Variants in TRPM2 observed in about 807,000 individuals in gnomAD.
The protein encoded by TRPM2 is estrogen-responsive element-associated gene 1 protein.
Under a neutral mutation model 174.0 loss-of-function variants are expected in TRPM2, and 161 were observed. The ratio of observed to expected loss-of-function variants is 0.93; its 90% CI spans 0.81 to 1.05. TRPM2 has a LOEUF of 1.05. Ranked by LOEUF, TRPM2 falls within the 50% of genes least tolerant of loss-of-function variation. The probability of loss-of-function intolerance (pLI) is 0.00; values close to 1 mark genes in which losing one functional copy is unlikely to be tolerated. For missense variants in TRPM2, 2,057 were observed against 2,038.0 expected, an observed-to-expected ratio of 1.01 and a Z score of -0.18; for synonymous variants, 954 against 861.3, an observed-to-expected ratio of 1.11 and a Z score of -1.88.
intron 20 of TRPM2, chr21:44,414,448 T>G: frequency 2.6e-5 from 6 of 227,884 alleles, no homozygotes; most frequent in Non-Finnish European, 4.5e-5. Context: ...ATGGGCTCAC[T>G]GCTCTACCCG....
chr21:44,426,962 C>G (rs2050812691), intron 26 of TRPM2, 48 bp from the exon 27 acceptor site: 2 of 1,532,344 alleles, frequency 1.3e-6, no homozygotes, highest in African/African-American at 1.4e-5. Context: ...TCTGCTCTGT[C>G]CCACCTGCAA....
rs536022091 is a variant in TRPM2, at chr21:44,399,512, C to T, written c.2208+71C>T. 1,771 of 1,538,222 alleles carry T rather than the reference C, an allele frequency of 1.2e-3. 30 individuals are homozygous for T. The South Asian group carries it at 0.016, about 14-fold the overall frequency. On this transcript the variant is annotated intron_variant, in intron 14 of 31. Coordinates refer to ENST00000397928, the MANE Select transcript of TRPM2 (RefSeq NM_003307.4). The surrounding 1 kb of genome is among the most constrained non-coding windows in gnomAD (Gnocchi z 4.6). ...TGCAGGGCGGACACAGCCTCCTGTTCGTGCAGTTGGCACGCACACTCACAC... is the reference window on the plus strand; with the variant it reads ...TGCAGGGCGGACACAGCCTCCTGTTTGTGCAGTTGGCACGCACACTCACAC...
Position 44,369,161 on chromosome 21 carries a change from C to T in TRPM2, c.605-16C>T. 1 of 1,589,020 alleles carries T rather than the reference C, an allele frequency of 6.3e-7. No homozygotes were observed. The highest frequency in any genetic ancestry group is 8.6e-7 in the Non-Finnish European group (1 of 1,167,052). ...CTCAGTGCTGTGGGGCCTGCCCACC[C>T]GTGCTCCTTCCCCAGGGGCCTGGAT... On this transcript the variant is annotated splice_polypyrimidine_tract_variant and intron_variant, in intron 4 of 31. Coordinates refer to ENST00000397928, the MANE Select transcript of TRPM2 (RefSeq NM_003307.4).
At chr21:44,425,612 C>T (rs1175857782) in intron 24 of TRPM2, 58 bp from the exon 25 acceptor site, 17 of 1,430,616 alleles carry the variant, frequency 1.2e-5, no homozygotes, top group East Asian at 2.6e-5. Context: ...CCTTGTCCTG[C>T]GGGCGGGCAC....
chr21:44,418,351 C>T (rs568121426), intron 21 of TRPM2, 72 bp from the exon 22 acceptor site: 108 of 1,576,610 alleles, frequency 6.9e-5, no homozygotes, highest in East Asian at 2.0e-4. Flanking sequence ...GGGGCCCCCC[C>T]GGTGGGTCAG....
At chr21:44,393,668 T>A (rs2049250457) in intron 11 of TRPM2, among the ~76,000 whole-genome samples, 1 of 152,180 alleles carries the variant, frequency 6.6e-6, no homozygotes, top group African/African-American at 2.4e-5. Context: ...CAGTGCCTTT[T>A]TTTTTTAATT....
intron 2 of TRPM2, among the ~76,000 whole-genome samples, chr21:44,357,621 G>T (rs2048097233): frequency 6.6e-6 from 1 of 152,238 alleles, no homozygotes; most frequent in Non-Finnish European, 1.5e-5. Context: ...CCCAGGGCGT[G>T]CATCCTGCGC....
intron 22 of TRPM2, among the ~76,000 whole-genome samples, chr21:44,421,631 C>G (rs1174142648): frequency 6.6e-6 from 1 of 151,930 alleles, no homozygotes; most frequent in Non-Finnish European, 1.5e-5. Context: ...TAACAATTAG[C>G]CAGGCACGGT....
In TRPM2 at chr21:44,376,436, G is replaced by A. The variant is rs1480864095; in HGVS notation, c.952+423G>A. ...TTTTTTTTGGGACAGGGTCTGGAGC[G>A]CAGTGGTGTGATCTCAGCTCACTGT... is the stretch of plus-strand genomic sequence containing the variant. On this transcript the variant is annotated intron_variant, in intron 6 of 31. Transcript: ENST00000397928. The surrounding 1 kb of genome is among the most constrained non-coding windows in gnomAD (Gnocchi z 4.2). Among the ~76,000 whole-genome samples, 3 of 152,094 alleles carry A rather than the reference G, an allele frequency of 2.0e-5. No homozygotes were observed. Among genetic ancestry groups the A allele is most frequent in the Admixed American group, 2.0e-4 (3 of 15,274 alleles).
At chr21:44,414,365 G>T (rs2050208858) in intron 20 of TRPM2, among the ~76,000 whole-genome samples, 1 of 152,242 alleles carries the variant, frequency 6.6e-6, no homozygotes, top group South Asian at 2.1e-4. Context: ...TGCTGCTGCG[G>T]AGGCAGCCTC....
rs367919720 is a variant in TRPM2, at chr21:44,435,022, G to T, written c.3975-109G>T. ...TCTAAAGAAGCCTGCATGCTGTCCC[G>T]CTGTGCGCCGGCTCCTGACGCCCGC... On this transcript the variant is annotated intron_variant, in intron 27 of 31. Transcript: ENST00000397928. 4 of 1,057,268 alleles carry T rather than the reference G, an allele frequency of 3.8e-6. No individual in the cohort carries two copies. The Admixed American group carries it at 7.6e-5, about 20-fold the overall frequency. The allele number at this position is 1,057,268 out of a possible 1,614,324, so 65.5% of individuals were successfully genotyped here.
chr21:44,407,460 T>G (rs1053256597), intron 19 of TRPM2, among the ~76,000 whole-genome samples: 1 of 147,086 alleles, frequency 6.8e-6, no homozygotes, highest in Non-Finnish European at 1.5e-5. Context: ...GTTTTTTTTT[T>G]TTTTTTTTTT....
chr21:44,390,312 C>T (rs545598845), intron 9 of TRPM2, among the ~76,000 whole-genome samples: 115 of 152,248 alleles, frequency 7.6e-4, no homozygotes, highest in African/African-American at 1.7e-3. Context: ...GCCTAAGAAC[C>T]GCTCCATGTT....
At chr21:44,400,192 C>T (rs2146276372) in intron 14 of TRPM2, 67 bp from the exon 15 acceptor site, 7 of 1,395,916 alleles carry the variant, frequency 5.0e-6, no homozygotes, top group Non-Finnish European at 7.0e-6. Context: ...CCTCAGCAGA[C>T]AGCTGACGGG....
At chr21:44,419,870 CGGTGAT>C (rs2050483626) in intron 22 of TRPM2, among the ~76,000 whole-genome samples, 1 of 134,906 alleles carries the variant, frequency 7.4e-6, no homozygotes, top group Non-Finnish European at 1.6e-5. Flanking sequence ...ATGGTGGTAG[CGGTGAT>C]GGTGGTGGTG....
Position 44,439,204 on chromosome 21 carries a change from G to C in TRPM2, c.4269+36G>C, listed in dbSNP as rs1019985728. The C allele has an allele frequency of 6.3e-6, 10 of 1,583,994 alleles. No homozygotes were observed. The highest frequency in any genetic ancestry group is 8.7e-6 in the Non-Finnish European group (10 of 1,154,184). The stretch of plus-strand genomic sequence containing the variant: ...CCTGTTTGCTCTGTTCCACCTGTGT[G>C]TCCCCAGGGCTGCAGGACAAACACA... On this transcript the variant is annotated intron_variant, in intron 30 of 31. Transcript: ENST00000397928. This position sits in a 1 kb window ranked among gnomAD's most constrained non-coding sequence, Gnocchi z 5.1.
intron 2 of TRPM2, among the ~76,000 whole-genome samples, chr21:44,361,607 T>G (rs1463377677): frequency 6.6e-6 from 1 of 152,176 alleles, no homozygotes; most frequent in Non-Finnish European, 1.5e-5. Context: ...TTAGGGCTTA[T>G]GTCTGCCATT....
intron 5 of TRPM2, among the ~76,000 whole-genome samples, chr21:44,372,688 A>G (rs1277968039): frequency 6.6e-6 from 1 of 152,162 alleles, no homozygotes; most frequent in Non-Finnish European, 1.5e-5. Context: ...GTAGCATCAC[A>G]GCTGCAGACA....
rs755981508 is a variant in TRPM2, at chr21:44,353,786, T to C, written c.86T>C (p.Met29Thr). The C allele has an allele frequency of 1.1e-5, 17 of 1,603,990 alleles. No homozygotes were observed. The highest frequency in any genetic ancestry group is 3.4e-5 in the Admixed American group (2 of 58,210). Reference sequence around the variant, plus strand: ...CCCAGAAGGGTCACTGACCTGGGGATGGTCTCCAATCTCCGGCGCAGCAAC... The same window carrying C: ...CCCAGAAGGGTCACTGACCTGGGGACGGTCTCCAATCTCCGGCGCAGCAAC... ...GLPRRVTDLG[M>T]VSNLRRSNSS... Residue 29 changes from methionine (M) to threonine (T), a missense_variant, in exon 1 of 32, where the codon ATG becomes ACG. Physicochemically the swap from Met to Thr is moderately conservative, Grantham distance 81. Coordinates refer to ENST00000397928, the MANE Select transcript of TRPM2 (RefSeq NM_003307.4).
Sources: allele counts gnomAD v4.1 joint callset (sites outside exome capture counted in the v4.1 genomes callset), GRCh38; gene constraint gnomAD v4.1.1; non-coding constraint Gnocchi (gnomAD v3.1); transcripts MANE v1.5; gene names NCBI Gene and HGNC (gene_info 2026-07-23, HGNC 2026-07-21).